MTREX: variants seen among roughly 807,000 people sequenced by gnomAD.
MTREX encodes Mtr4 exosome RNA helicase.
A neutral mutation model predicts 135.4 loss-of-function variants in MTREX; 76 were observed. That is an observed-to-expected ratio of 0.56 (90% CI 0.47 to 0.68). The LOEUF is 0.68. Among genes scored for constraint, MTREX ranks in the 30% least tolerant of loss-of-function variants. The pLI, the probability that MTREX is intolerant of heterozygous loss-of-function variation, is 0.00. For synonymous variants in MTREX, 404 were observed against 401.6 expected (o/e 1.01, Z -0.07); for missense variants, 920 against 1,262.1 (o/e 0.73, Z 4.11).
chr5:55,374,286 A>ATATATAT (rs58169395), intron 16 of MTREX, among the ~76,000 whole-genome samples: 5 of 144,822 alleles, frequency 3.5e-5, no homozygotes, highest in African/African-American at 5.3e-5. Context: ...ATATATATAT[A>ATATATAT]AACAATTTTT....
intron 3 of MTREX, chr5:55,327,508 C>T (rs555859509): frequency 1.2e-4 from 59 of 506,060 alleles, no homozygotes; most frequent in African/African-American, 1.0e-3. Context: ...TAGACAAATG[C>T]GAGTAGATGT....
At chr5:55,400,796 T>TA (rs1350137810) in intron 21 of MTREX, among the ~76,000 whole-genome samples, 1 of 152,220 alleles carries the variant, frequency 6.6e-6, no homozygotes, top group African/African-American at 2.4e-5. Context: ...GAAGGAACTT[T>TA]ATACCCATTA....
intron 19 of MTREX, among the ~76,000 whole-genome samples, chr5:55,390,037 C>G (rs1750540833): frequency 6.6e-6 from 1 of 151,984 alleles, no homozygotes; most frequent in African/African-American, 2.4e-5. Context: ...TCATCCTTGC[C>G]CTGTCTGACT....
At chr5:55,386,358 A>C (rs1214268679) in intron 18 of MTREX, among the ~76,000 whole-genome samples, 2 of 152,194 alleles carry the variant, frequency 1.3e-5, no homozygotes, top group Non-Finnish European at 2.9e-5. Flanking sequence ...GGACTTAAAA[A>C]CAAAAATCTA....
At chr5:55,368,678 G>A (rs1750143973) in intron 16 of MTREX, among the ~76,000 whole-genome samples, 1 of 152,148 alleles carries the variant, frequency 6.6e-6, no homozygotes. Context: ...TGCAGGCTCA[G>A]TTGATCCTCC....
intron 22 of MTREX, among the ~76,000 whole-genome samples, chr5:55,409,598 C>T (rs1171707923): frequency 6.6e-6 from 1 of 152,130 alleles, no homozygotes; most frequent in African/African-American, 2.4e-5. Flanking sequence ...AGATGACCTT[C>T]CTCTCAACAA....
chr5:55,320,897 G>A (rs1413620902), intron 1 of MTREX, among the ~76,000 whole-genome samples: 1 of 152,034 alleles, frequency 6.6e-6, no homozygotes, highest in African/African-American at 2.4e-5. Context: ...ATCTGTGTAA[G>A]GCTAGATTTT....
intron 15 of MTREX, among the ~76,000 whole-genome samples, chr5:55,361,262 G>A (rs538712773): frequency 1.3e-5 from 2 of 152,036 alleles, no homozygotes; most frequent in Non-Finnish European, 2.9e-5. Flanking sequence ...ATTAAAATAC[G>A]TAGCTTCTTC....
chr5:55,392,255 T>C (rs904838251), intron 19 of MTREX, among the ~76,000 whole-genome samples: 27 of 152,110 alleles, frequency 1.8e-4, no homozygotes, highest in African/African-American at 5.8e-4. Context: ...CATTAAGTTC[T>C]CCTGTCTGGC....
At chr5:55,372,178 T>C (rs2112091809) in intron 16 of MTREX, among the ~76,000 whole-genome samples, 1 of 152,164 alleles carries the variant, frequency 6.6e-6, no homozygotes, top group East Asian at 1.9e-4. Flanking sequence ...GACTTTAGTC[T>C]GTCAAATATT....
In MTREX at chr5:55,339,011, C is replaced by T. The variant is rs965665540; in HGVS notation, c.516-999C>T. The stretch of plus-strand genomic sequence containing the variant: ...TCCCCATTTTGGCCAAGGCTGGTCT[C>T]GAACTCTTGGCGTCATGTGATCCAC... On this transcript the variant is annotated intron_variant, in intron 5 of 26. Transcript: ENST00000230640. 3.3e-5 allele frequency among the ~76,000 whole-genome samples: 5 copies of T among 151,844 alleles called. 1 individual carries two copies. The highest frequency in any genetic ancestry group is 6.6e-5 in the Admixed American group (1 of 15,230).
At chr5:55,353,484 T>C (rs967377223) in intron 14 of MTREX, among the ~76,000 whole-genome samples, 1 of 152,106 alleles carries the variant, frequency 6.6e-6, no homozygotes, top group African/African-American at 2.4e-5. Context: ...GGGAGGATGA[T>C]TTAAGGCCAG....
Position 55,358,147 on chromosome 5 carries a change from T to C in MTREX, c.1534-426T>C, listed in dbSNP as rs535026290. ...GTCGGGAGATCAAGATTTTGCTGTT[T>C]TCCAGAATATCCAGCTCAAAGGTAT... On this transcript the variant is annotated intron_variant, in intron 14 of 26. Coordinates refer to ENST00000230640, the MANE Select transcript of MTREX (RefSeq NM_015360.5). 3.9e-5 allele frequency among the ~76,000 whole-genome samples: 6 copies of C among 152,262 alleles called. No homozygotes were observed. In the South Asian group the frequency reaches 1.0e-3, roughly 26 times the overall value.
At chr5:55,340,374 A>G (rs114178293) in intron 6 of MTREX, among the ~76,000 whole-genome samples, 190 bp downstream of exon 6, 475 of 152,310 alleles carry the variant, frequency 3.1e-3, no homozygotes, top group African/African-American at 0.011. Flanking sequence ...TTTCTAAATT[A>G]CCATACTTTA....
intron 2 of MTREX, among the ~76,000 whole-genome samples, chr5:55,323,770 T>C (rs1331942254): frequency 1.3e-5 from 2 of 152,238 alleles, no homozygotes; most frequent in Non-Finnish European, 2.9e-5. Flanking sequence ...TAGTTTACTT[T>C]ATACTTTCTA....
intron 3 of MTREX, among the ~76,000 whole-genome samples, chr5:55,325,542 G>A (rs551902974): frequency 1.3e-5 from 2 of 151,142 alleles, no homozygotes; most frequent in South Asian, 4.2e-4. Flanking sequence ...TAGAGACTGG[G>A]TTTCACCATG....
At chr5:55,361,843 G>A (rs9292091) in intron 15 of MTREX, among the ~76,000 whole-genome samples, 39,389 of 150,800 alleles carry the variant, frequency 0.26, 5,547 homozygotes, top group East Asian at 0.43. Flanking sequence ...TCCTCCTGTC[G>A]CAGCCTCCCA....
At chr5:55,372,321 C>A (rs1380623712) in intron 16 of MTREX, among the ~76,000 whole-genome samples, 1 of 151,948 alleles carries the variant, frequency 6.6e-6, no homozygotes. Flanking sequence ...TAAAAATAAC[C>A]AGGATGATGC....
chr5:55,316,561 A>G (rs1351405149), intron 1 of MTREX, among the ~76,000 whole-genome samples: 1 of 152,208 alleles, frequency 6.6e-6, no homozygotes, highest in Non-Finnish European at 1.5e-5. Context: ...ACATGCAGAA[A>G]AGGCCTTCGA....
Sources: gnomAD v4.1 joint callset for allele counts (sites outside exome capture counted in the v4.1 genomes callset) on GRCh38, gnomAD v4.1.1 for gene constraint, MANE v1.5 for transcripts, NCBI Gene and HGNC (gene_info 2026-07-23, HGNC 2026-07-21) for gene names.